NMNAT2: variants seen among roughly 807,000 people sequenced by gnomAD.
NMNAT2 encodes nicotinamide nucleotide adenylyltransferase 2.
A neutral mutation model predicts 41.6 loss-of-function variants in NMNAT2; 11 were observed. The ratio of observed to expected loss-of-function variants is 0.26; its 90% confidence interval spans 0.17 to 0.44. The LOEUF (loss-of-function observed/expected upper bound fraction) is 0.44, where lower values mean the gene tolerates loss of function less well. NMNAT2 is among the 20% of genes least tolerant of loss of function. NMNAT2 has a pLI of 1.00. For missense variants in NMNAT2, 288 were observed against 407.7 expected (o/e 0.71, Z 2.53); for synonymous variants, 148 against 151.2 (o/e 0.98, Z 0.16).
At position 183,290,136 on chromosome 1, in the gene NMNAT2, G is replaced by C; in HGVS notation, c.313C>G (p.Leu105Val). 6.3e-7 allele frequency: 1 copy of C among 1,577,538 alleles called. No individual in the cohort carries two copies. The highest frequency in any genetic ancestry group is 8.6e-7 in the Non-Finnish European group (1 of 1,160,284). ...TCSVLEHHRDLMKRVTGCILS... is the reference protein window; with the variant it reads ...TCSVLEHHRDVMKRVTGCILS... ...GGCTTGGCCCAGCTCACCTTCATGA[G>C]GTCCCGGTGGTGTTCCAACACGCTG... The change falls in exon 4 of 11, where the codon CTC becomes GTC. Residue 105 changes from leucine (L) to valine (V), a missense_variant. Leu to Val is a conservative substitution (Grantham distance 32). Coordinates refer to ENST00000287713, the MANE Select transcript of NMNAT2 (RefSeq NM_015039.4).
At chr1:183,377,559 A>G (rs1441908859) in intron 1 of NMNAT2, among the ~76,000 whole-genome samples, 1 of 152,224 alleles carries the variant, frequency 6.6e-6, no homozygotes, top group African/African-American at 2.4e-5. Context: ...TAACAGCAAC[A>G]TAGACTTCAA....
chr1:183,309,120 CT>C (rs1662055225), intron 1 of NMNAT2, among the ~76,000 whole-genome samples: 1 of 152,144 alleles, frequency 6.6e-6, no homozygotes, highest in Admixed American at 6.5e-5. Context: ...TGGGCTCAGC[CT>C]CCCGAGTAGC....
chr1:183,303,803 C>T (rs540388916), intron 1 of NMNAT2, among the ~76,000 whole-genome samples: 4 of 152,216 alleles, frequency 2.6e-5, no homozygotes, highest in Non-Finnish European at 5.9e-5. Flanking sequence ...TATGTGGGAC[C>T]ACAGGAGCCT....
At chr1:183,349,877 A>G (rs544537570) in intron 1 of NMNAT2, among the ~76,000 whole-genome samples, 2 of 152,304 alleles carry the variant, frequency 1.3e-5, no homozygotes, top group East Asian at 3.9e-4. Flanking sequence ...CCCTCTGAGA[A>G]GGAAAGCTCA....
rs1245623708 is a variant in NMNAT2 at position 183,368,415 on chromosome 1, C to T, written c.85+49768G>A. Among the ~76,000 whole-genome samples the T allele has an allele frequency of 5.3e-5, 8 of 152,280 alleles. No individual in the cohort carries two copies. In the East Asian group the frequency reaches 7.7e-4, roughly 15 times the overall value. ...TTGACCACTCCCTGCCCCTGGGCTG[C>T]GCTGTCTCATCTCTTTTGAGCTCCT... On this transcript the variant is annotated intron_variant, in intron 1 of 10. Coordinates refer to ENST00000287713, the MANE Select transcript of NMNAT2 (RefSeq NM_015039.4).
chr1:183,336,833 A>G (rs950166231), intron 1 of NMNAT2, among the ~76,000 whole-genome samples: 1 of 152,244 alleles, frequency 6.6e-6, no homozygotes, highest in Non-Finnish European at 1.5e-5. Context: ...GAAATTGGAG[A>G]AATAAACTGT....
chr1:183,261,708 G>A (rs181636906), intron 8 of NMNAT2, among the ~76,000 whole-genome samples: 70 of 152,232 alleles, frequency 4.6e-4, no homozygotes, highest in Non-Finnish European at 7.5e-4. Context: ...GCACATTTGA[G>A]CCCTCAGATG....
rs911555194 is a variant in NMNAT2 at position 183,293,271 on chromosome 1, ACG to A, written c.175-416_175-415del. ...GTGGAGCTCCTAGATTTGCCGGGACACGTGGCAGGGAGGGATGAGCAGGGATA... is the reference window on the plus strand; with the variant it reads ...GTGGAGCTCCTAGATTTGCCGGGACATGGCAGGGAGGGATGAGCAGGGATA... On this transcript the variant is annotated intron_variant, in intron 2 of 10. Transcript: ENST00000287713. 9.2e-5 allele frequency among the ~76,000 whole-genome samples: 14 copies of A among 152,364 alleles called. No homozygotes were observed. In the South Asian group the frequency reaches 1.0e-3, roughly 11 times the overall value.
intron 1 of NMNAT2, among the ~76,000 whole-genome samples, chr1:183,342,547 C>G (rs1404777761): frequency 2.6e-5 from 4 of 152,136 alleles, no homozygotes; most frequent in African/African-American, 9.6e-5. Context: ...ATTTTGTCCT[C>G]CACTCTCCAC....
chr1:183,392,173 C>T (rs551748600), intron 1 of NMNAT2, among the ~76,000 whole-genome samples: 1 of 152,316 alleles, frequency 6.6e-6, no homozygotes, highest in Admixed American at 6.5e-5. Flanking sequence ...ATGTCCAAGA[C>T]CGAGCTCCTG....
chr1:183,388,294 A>G (rs1036269513), intron 1 of NMNAT2, among the ~76,000 whole-genome samples: 6 of 130,786 alleles, frequency 4.6e-5, no homozygotes, highest in African/African-American at 1.5e-4. Flanking sequence ...TTATTTGGGG[A>G]AAAAAAGGTG....
intron 1 of NMNAT2, among the ~76,000 whole-genome samples, chr1:183,331,320 A>C (rs1466096440): frequency 6.6e-6 from 1 of 152,220 alleles, no homozygotes; most frequent in Admixed American, 6.5e-5. Flanking sequence ...TTCAGCTCAC[A>C]GCTGGGGACT....
chr1:183,291,866 A>G (rs573292011), intron 3 of NMNAT2, among the ~76,000 whole-genome samples: 2 of 152,330 alleles, frequency 1.3e-5, no homozygotes, highest in East Asian at 3.9e-4. Context: ...TTAGGGGGAT[A>G]AGAAAGTCTA....
intron 10 of NMNAT2, among the ~76,000 whole-genome samples, chr1:183,253,671 C>T (rs934384026): frequency 6.6e-5 from 10 of 151,960 alleles, no homozygotes; most frequent in Admixed American, 1.3e-4. Flanking sequence ...TACATATTTG[C>T]TGCTTTGTAT....
rs1475480146 is a variant in NMNAT2 at position 183,341,749 on chromosome 1, C to CAAAAAAAAAAAAAAAAA, written c.86-47957_86-47956insTTTTTTTTTTTTTTTTT. On this transcript the variant is annotated intron_variant, in intron 1 of 10. Transcript: ENST00000287713. ...CCAAAAAAAAAAAAAAAAAAAAAACCTGTTTCCTTCACTCCAGGTTACTTT... is the reference window on the plus strand; with the variant it reads ...CCAAAAAAAAAAAAAAAAAAAAAACCAAAAAAAAAAAAAAAAATGTTTCCTTCACTCCAGGTTACTTT... 6.3e-5 allele frequency among the ~76,000 whole-genome samples: 2 copies of CAAAAAAAAAAAAAAAAA among 31,692 alleles called. 1 individual carries two copies. Among genetic ancestry groups the CAAAAAAAAAAAAAAAAA allele is most frequent in the Non-Finnish European group, 1.3e-4 (2 of 15,558 alleles). 20.8% of individuals were successfully genotyped at this position (31,692 alleles called of 152,430 possible).
intron 8 of NMNAT2, among the ~76,000 whole-genome samples, chr1:183,269,218 A>C (rs1316681835): frequency 6.6e-6 from 1 of 152,262 alleles, no homozygotes; most frequent in Non-Finnish European, 1.5e-5. Flanking sequence ...ATGAGGCCAC[A>C]GCTAGTACAA....
At chr1:183,354,498 A>AC (rs1229787180) in intron 1 of NMNAT2, among the ~76,000 whole-genome samples, 4 of 131,770 alleles carry the variant, frequency 3.0e-5, no homozygotes, top group Non-Finnish European at 4.6e-5. Flanking sequence ...TGTAGCCTTG[A>AC]CCCCCCAGGC....
intron 1 of NMNAT2, among the ~76,000 whole-genome samples, chr1:183,358,476 T>C (rs1283238536): frequency 6.6e-6 from 1 of 152,060 alleles, no homozygotes; most frequent in Non-Finnish European, 1.5e-5. Flanking sequence ...ACAAAGAACA[T>C]GATTTTCTGA....
intron 8 of NMNAT2, among the ~76,000 whole-genome samples, chr1:183,273,790 CCT>C (rs1236248470): frequency 7.2e-6 from 1 of 138,554 alleles, no homozygotes; most frequent in Non-Finnish European, 1.6e-5. Context: ...TTTCTTTCTT[CCT>C]CTCTCTCTTT....
Sources: allele counts gnomAD v4.1 joint callset (sites outside exome capture counted in the v4.1 genomes callset), GRCh38; gene constraint gnomAD v4.1.1; transcripts MANE v1.5; gene names NCBI Gene and HGNC (gene_info 2026-07-23, HGNC 2026-07-21).